The following ATP2C2 variants were observed in gnomAD, a reference collection of about 807,000 sequenced individuals.
The protein encoded by ATP2C2 is ATPase secretory pathway Ca2+ transporting 2, also known as calcium-transporting ATPase type 2C member 2.
ATP2C2 carries 171 observed loss-of-function variants against 110.8 expected under a neutral mutation model. That is an observed-to-expected ratio of 1.54 (90% CI 1.36 to 1.75). The LOEUF (loss-of-function observed/expected upper bound fraction) is 1.75. Ranked by LOEUF, ATP2C2 falls within the 40% of genes most tolerant of loss-of-function variation. The probability of loss-of-function intolerance (pLI) is 0.00; values close to 1 mark genes in which losing one functional copy is unlikely to be tolerated. For synonymous variants in ATP2C2, 804 were observed against 508.4 expected, an observed-to-expected ratio of 1.58 and a Z score of -7.82; for missense variants, 1,963 against 1,235.0, an observed-to-expected ratio of 1.59 and a Z score of -8.84.
At chr16:84,378,070 C>T (rs1910353553) in intron 1 of ATP2C2, among the ~76,000 whole-genome samples, 1 of 152,220 alleles carries the variant, frequency 6.6e-6, no homozygotes, top group African/African-American at 2.4e-5. Context: ...GGCCCAAGAT[C>T]TGCGATTCCA....
Position 84,461,592 on chromosome 16 carries a change from C to A in ATP2C2, c.2482-122C>A, listed in dbSNP as rs1356099519. The A allele has an allele frequency of 5.8e-6, 5 of 856,188 alleles. No homozygotes were observed. The African/African-American group carries it at 6.6e-5, about 11-fold the overall frequency. The allele number at this position is 856,188 out of a possible 1,614,324, so 53.0% of individuals were successfully genotyped here. ...CCTGGAGGAAGCTGTGTGACCGATTCATGAGCTTGTAAGTGGCTCCCAGCC... is the reference window on the plus strand; with the variant it reads ...CCTGGAGGAAGCTGTGTGACCGATTAATGAGCTTGTAAGTGGCTCCCAGCC... On this transcript the variant is annotated intron_variant, in intron 24 of 26. Coordinates refer to ENST00000262429, the MANE Select transcript of ATP2C2 (RefSeq NM_014861.4).
chr16:84,455,337 C>T (rs2150588892), intron 21 of ATP2C2, among the ~76,000 whole-genome samples: 1 of 152,292 alleles, frequency 6.6e-6, no homozygotes, highest in South Asian at 2.1e-4. Context: ...TAAGGAAAAC[C>T]TGTGGCCAAA....
chr16:84,406,063 T>A (rs1316400604), intron 3 of ATP2C2, among the ~76,000 whole-genome samples: 1 of 152,204 alleles, frequency 6.6e-6, no homozygotes, highest in African/African-American at 2.4e-5. Flanking sequence ...TTACTGGGTG[T>A]CCTACTGTAA....
intron 1 of ATP2C2, among the ~76,000 whole-genome samples, chr16:84,374,227 T>A (rs962286971): frequency 2.3e-5 from 3 of 132,152 alleles, no homozygotes; most frequent in African/African-American, 9.2e-5. Context: ...TATCTTAGGC[T>A]TTTCTCACCG....
intron 1 of ATP2C2, among the ~76,000 whole-genome samples, chr16:84,386,011 C>G (rs1357732569): frequency 4.6e-5 from 7 of 152,172 alleles, no homozygotes; most frequent in Admixed American, 3.3e-4. Context: ...CAACGGGAAC[C>G]CTTTCAAGGT....
chr16:84,393,135 G>GA (rs1337864952), intron 1 of ATP2C2, among the ~76,000 whole-genome samples: 2 of 152,212 alleles, frequency 1.3e-5, no homozygotes, highest in African/African-American at 4.8e-5. Flanking sequence ...TGGGTAGAGG[G>GA]ATGGGGGCCG....
At chr16:84,451,305 G>A (rs527412621) in intron 17 of ATP2C2, among the ~76,000 whole-genome samples, 30 of 149,916 alleles carry the variant, frequency 2.0e-4, no homozygotes, top group African/African-American at 5.9e-4. Context: ...CCCACAACAC[G>A]TGGGAATTAT....
At chr16:84,451,049 C>T (rs1910211114) in intron 17 of ATP2C2, among the ~76,000 whole-genome samples, 1 of 152,086 alleles carries the variant, frequency 6.6e-6, no homozygotes, top group Non-Finnish European at 1.5e-5. Flanking sequence ...AAAGACAGAC[C>T]TGAGACTAGG....
chr16:84,454,280 G>A (rs1447953180), intron 20 of ATP2C2, among the ~76,000 whole-genome samples: 1 of 152,176 alleles, frequency 6.6e-6, no homozygotes, highest in Non-Finnish European at 1.5e-5. Flanking sequence ...AAGAGCTGAT[G>A]TGATTTTTCT....
At chr16:84,371,115 T>G (rs1224449104) in intron 1 of ATP2C2, among the ~76,000 whole-genome samples, 1 of 152,054 alleles carries the variant, frequency 6.6e-6, no homozygotes, top group Non-Finnish European at 1.5e-5. Context: ...CACTGGAGAA[T>G]CAAAGAGTAG....
At chr16:84,385,685 C>T (rs1038442652) in intron 1 of ATP2C2, among the ~76,000 whole-genome samples, 2 of 152,206 alleles carry the variant, frequency 1.3e-5, no homozygotes, top group African/African-American at 4.8e-5. Flanking sequence ...AACTTACAGT[C>T]ATGGCGGAAG....
At chr16:84,438,034 ACATGGTGG>A (rs1908902149) in intron 11 of ATP2C2, among the ~76,000 whole-genome samples, 1 of 152,186 alleles carries the variant, frequency 6.6e-6, no homozygotes, top group African/African-American at 2.4e-5. Flanking sequence ...AGGCTCATCC[ACATGGTGG>A]CATGTGCCAG....
In ATP2C2 at chr16:84,368,703, G is replaced by C. The variant is rs757071841; in HGVS notation, c.88G>C (p.Glu30Gln). 1.9e-6 allele frequency: 3 copies of C among 1,547,932 alleles called. No individual in the cohort carries two copies. Among genetic ancestry groups the C allele is most frequent in the Admixed American group, 2.0e-5 (1 of 51,262 alleles). Reference sequence around the variant, plus strand: ...GTACCAGGCGCTGGAGAAGGACGAAGAGGAAGCCTTGGTGAGTCCCCGCGA... The same window carrying C: ...GTACCAGGCGCTGGAGAAGGACGAACAGGAAGCCTTGGTGAGTCCCCGCGA... ...RQYQALEKDE[E>Q]EALIDEQSEL... Residue 30 changes from glutamate to glutamine, a missense_variant, in exon 1 of 27, where the codon GAG (glutamate) becomes CAG (glutamine). Glu to Gln is a conservative substitution (Grantham distance 29). Coordinates refer to ENST00000262429, the MANE Select transcript of ATP2C2 (RefSeq NM_014861.4).
chr16:84,458,655 A>G (rs1055417943), intron 21 of ATP2C2, among the ~76,000 whole-genome samples: 5 of 152,220 alleles, frequency 3.3e-5, no homozygotes, highest in African/African-American at 1.2e-4. Flanking sequence ...TTCCGCGAAG[A>G]GCCTTCTAAA....
At chr16:84,417,106 G>A (rs916314358) in intron 7 of ATP2C2, among the ~76,000 whole-genome samples, 3 of 152,228 alleles carry the variant, frequency 2.0e-5, no homozygotes, top group African/African-American at 7.2e-5. Flanking sequence ...GAGCAAGTTA[G>A]TTAACCTCTC....
intron 15 of ATP2C2, among the ~76,000 whole-genome samples, chr16:84,443,664 C>G (rs1379576062): frequency 6.6e-6 from 1 of 152,158 alleles, no homozygotes; most frequent in Non-Finnish European, 1.5e-5. Flanking sequence ...ACTTCACTGC[C>G]TTGTATTTTC....
chr16:84,413,318 CCG>C (rs1906552949), intron 6 of ATP2C2, among the ~76,000 whole-genome samples: 1 of 152,074 alleles, frequency 6.6e-6, no homozygotes. Flanking sequence ...AGATACGGTC[CCG>C]CGTCTCAAAG....
At chr16:84,444,179 A>AAC (rs1269358013) in intron 15 of ATP2C2, among the ~76,000 whole-genome samples, 1 of 147,602 alleles carries the variant, frequency 6.8e-6, no homozygotes, top group African/African-American at 2.5e-5. Flanking sequence ...AAAAAAAAAA[A>AAC]AAAAACAAAA....
intron 1 of ATP2C2, among the ~76,000 whole-genome samples, chr16:84,387,665 A>G (rs552061381): frequency 3.3e-5 from 5 of 152,230 alleles, no homozygotes; most frequent in African/African-American, 1.2e-4. Context: ...GCACCAGTGA[A>G]GCTCACAGCC....
Sources: allele counts gnomAD v4.1 joint callset (sites outside exome capture counted in the v4.1 genomes callset), GRCh38; gene constraint gnomAD v4.1.1; transcripts MANE v1.5; gene names NCBI Gene and HGNC (gene_info 2026-07-23, HGNC 2026-07-21).